The following KLF12 variants were observed in gnomAD, a reference collection of about 807,000 sequenced individuals.
KLF12 encodes the protein KLF transcription factor 12, also known as Krueppel-like factor 12.
Under a neutral mutation model 37.8 loss-of-function variants are expected in KLF12, and 9 were observed. That is an observed-to-expected ratio of 0.24 (90% CI 0.14 to 0.42). The LOEUF (loss-of-function observed/expected upper bound fraction) is 0.42. Among genes scored for constraint, KLF12 ranks in the 10% least tolerant of loss-of-function variants. The pLI is 1.00. For missense variants in KLF12, 411 were observed against 516.0 expected, an observed-to-expected ratio of 0.80 and a Z score of 1.97; for synonymous variants, 208 against 202.1, an observed-to-expected ratio of 1.03 and a Z score of -0.25.
intron 6 of KLF12, among the ~76,000 whole-genome samples, chr13:73,763,410 G>C (rs1266448616): frequency 1.3e-5 from 2 of 151,946 alleles, no homozygotes; most frequent in Non-Finnish European, 2.9e-5. Context: ...ACAGTGCCTG[G>C]GACTGTAAAT....
chr13:74,193,122 G>GTGCC, the KLF12 span, among the ~76,000 whole-genome samples: 12 of 151,850 alleles, frequency 7.9e-5, no homozygotes, highest in Non-Finnish European at 1.0e-4. Flanking sequence ...GGGATTACAG[G>GTGCC]TGCCTGCTAC....
At chr13:74,042,859 CA>C (rs1218882816) in intron 1 of KLF12, among the ~76,000 whole-genome samples, 3 of 152,172 alleles carry the variant, frequency 2.0e-5, no homozygotes, top group Admixed American at 1.3e-4. Flanking sequence ...ACAGACAGCA[CA>C]GTGAATCTCT....
the KLF12 span, among the ~76,000 whole-genome samples, chr13:74,293,560 T>A: frequency 7.2e-5 from 11 of 152,366 alleles, no homozygotes; most frequent in African/African-American, 2.6e-4. Flanking sequence ...ATCTTTCTGT[T>A]CTCTTTCTCA....
At chr13:73,726,143 G>A (rs946396647) in intron 6 of KLF12, among the ~76,000 whole-genome samples, 10 of 152,196 alleles carry the variant, frequency 6.6e-5, no homozygotes, top group African/African-American at 9.6e-5. Flanking sequence ...GTGAGTAACC[G>A]TGCCCAGCTT....
chr13:74,221,008 T>TTG, the KLF12 span, among the ~76,000 whole-genome samples: 1 of 148,646 alleles, frequency 6.7e-6, no homozygotes, highest in Admixed American at 6.7e-5. Context: ...GCTTGTTTGT[T>TTG]TTTTTTTTTT....
intron 7 of KLF12, among the ~76,000 whole-genome samples, chr13:73,704,701 A>G (rs1199953964): frequency 6.6e-6 from 1 of 152,164 alleles, no homozygotes; most frequent in Non-Finnish European, 1.5e-5. Context: ...TTGGCCCCAT[A>G]GTACCCTGAG....
At chr13:73,846,402 T>C in intron 3 of KLF12, 29 bp from the exon 4 acceptor site, 1 of 1,556,864 alleles carries the variant, frequency 6.4e-7, no homozygotes, top group Non-Finnish European at 8.7e-7. Flanking sequence ...AACATATATT[T>C]ATCTTTGTTT....
intron 7 of KLF12, among the ~76,000 whole-genome samples, chr13:73,696,077 G>A (rs557807596): frequency 7.1e-6 from 1 of 140,192 alleles, no homozygotes; most frequent in South Asian, 2.3e-4. Flanking sequence ...ACCCCCCCAC[G>A]CTTCCCCCTA....
chr13:73,975,066 A>T (rs1891470151), intron 2 of KLF12, among the ~76,000 whole-genome samples: 1 of 152,190 alleles, frequency 6.6e-6, no homozygotes, highest in South Asian at 2.1e-4. Context: ...TCCTATTTTT[A>T]AAAACTATTA....
intron 6 of KLF12, among the ~76,000 whole-genome samples, chr13:73,728,438 A>G (rs1411174712): frequency 6.6e-6 from 1 of 152,044 alleles, no homozygotes; most frequent in Admixed American, 6.6e-5. Context: ...TCTAATCTAC[A>G]TTTCTTTTTC....
At chr13:74,301,497 T>A in the KLF12 span, among the ~76,000 whole-genome samples, 1 of 152,186 alleles carries the variant, frequency 6.6e-6, no homozygotes, top group Non-Finnish European at 1.5e-5. Context: ...TTTACAGGCC[T>A]CTATATTTTC....
At chr13:74,275,822 CT>C in the KLF12 span, among the ~76,000 whole-genome samples, 12 of 107,210 alleles carry the variant, frequency 1.1e-4, no homozygotes, top group South Asian at 3.2e-4. Flanking sequence ...TTCTTTCTTT[CT>C]TTCTTTCTTT....
intron 3 of KLF12, among the ~76,000 whole-genome samples, chr13:73,942,971 T>A (rs181972167): frequency 3.7e-4 from 56 of 152,328 alleles, no homozygotes; most frequent in Non-Finnish European, 7.1e-4. Flanking sequence ...TCCATAACCT[T>A]GAATGTTCTC....
the KLF12 span, among the ~76,000 whole-genome samples, chr13:74,175,176 G>T: frequency 6.6e-6 from 1 of 152,148 alleles, no homozygotes; most frequent in Admixed American, 6.5e-5. Flanking sequence ...TATAAATTCT[G>T]CAAAGTTGCA....
At chr13:74,274,245 A>G in the KLF12 span, among the ~76,000 whole-genome samples, 1 of 152,168 alleles carries the variant, frequency 6.6e-6, no homozygotes, top group African/African-American at 2.4e-5. Flanking sequence ...AAGATGCAAT[A>G]CAACTGCCAC....
At chr13:73,709,073 C>T (rs1301964232) in intron 7 of KLF12, among the ~76,000 whole-genome samples, 1 of 152,118 alleles carries the variant, frequency 6.6e-6, no homozygotes, top group Non-Finnish European at 1.5e-5. Flanking sequence ...GTCACATCTT[C>T]GTGTTATTAT....
chr13:74,169,614 C>T, the KLF12 span, among the ~76,000 whole-genome samples: 1 of 152,220 alleles, frequency 6.6e-6, no homozygotes, highest in Non-Finnish European at 1.5e-5. Context: ...TAAGCTACCA[C>T]TCTTTGCCCT....
chr13:74,181,277 C>T, the KLF12 span, among the ~76,000 whole-genome samples: 5 of 148,020 alleles, frequency 3.4e-5, no homozygotes, highest in South Asian at 4.4e-4. Flanking sequence ...GGATTACAGG[C>T]GTGAGCCACT....
chr13:73,907,218 T>A (rs956944055), intron 3 of KLF12, among the ~76,000 whole-genome samples: 1 of 152,200 alleles, frequency 6.6e-6, no homozygotes, highest in Non-Finnish European at 1.5e-5. Flanking sequence ...TCTTTATTCA[T>A]TGGAGCATAT....
Sources: gnomAD v4.1 joint callset for allele counts (sites outside exome capture counted in the v4.1 genomes callset) on GRCh38, gnomAD v4.1.1 for gene constraint, MANE v1.5 for transcripts, NCBI Gene and HGNC (gene_info 2026-07-23, HGNC 2026-07-21) for gene names.